Variants in KLHL1 observed in about 807,000 individuals in gnomAD.
KLHL1 encodes kelch-like protein 1.
A neutral mutation model predicts 77.7 loss-of-function variants in KLHL1; 47 were observed. The ratio of observed to expected loss-of-function variants is 0.60; its 90% CI spans 0.48 to 0.77. The LOEUF (loss-of-function observed/expected upper bound fraction) is 0.77, where lower values mean the gene tolerates loss of function less well. Ranked by LOEUF, KLHL1 falls within the 30% of genes least tolerant of loss-of-function variation. The pLI is 0.00. For synonymous variants in KLHL1, 360 were observed against 325.2 expected (o/e 1.11, Z -1.15); for missense variants, 925 against 910.8 (o/e 1.02, Z -0.20).
intron 1 of KLHL1, among the ~76,000 whole-genome samples, chr13:69,989,476 A>C (rs1014538041): frequency 6.6e-6 from 1 of 151,944 alleles, no homozygotes. Flanking sequence ...TTTGAGAATT[A>C]GTTTTTTTAG....
At chr13:69,735,385 G>T (rs1021052405) in intron 8 of KLHL1, among the ~76,000 whole-genome samples, 4 of 150,684 alleles carry the variant, frequency 2.7e-5, no homozygotes, top group Non-Finnish European at 3.0e-5. Context: ...CAATAAAAAG[G>T]AAATAAATGT....
At chr13:70,047,476 C>A in intron 1 of KLHL1, among the ~76,000 whole-genome samples, 1 of 151,556 alleles carries the variant, frequency 6.6e-6, no homozygotes, top group East Asian at 1.9e-4. Context: ...TAGTAGAAAA[C>A]TTTAGTGGCC....
intron 1 of KLHL1, among the ~76,000 whole-genome samples, chr13:70,004,415 C>T (rs144163732): frequency 6.6e-6 from 1 of 151,782 alleles, no homozygotes. Context: ...TATGTCCTGA[C>T]CCTTTCTTTG....
intron 7 of KLHL1, among the ~76,000 whole-genome samples, chr13:69,788,085 T>C (rs1230349194): frequency 1.3e-5 from 2 of 152,224 alleles, no homozygotes; most frequent in Non-Finnish European, 2.9e-5. Flanking sequence ...AGTTCAACCA[T>C]TGTGGAAGAC....
Position 69,960,361 on chromosome 13 carries a change from G to A in KLHL1, c.817+947C>T, listed in dbSNP as rs375118065. On this transcript the variant is annotated intron_variant, in intron 3 of 10. Coordinates refer to ENST00000377844, the MANE Select transcript of KLHL1 (RefSeq NM_020866.3). ...ACTAGGCCAGAACCTGCCTTTCTTCGTCTCACACCAGTATGAAGAATTTAG... is the reference window on the plus strand; with the variant it reads ...ACTAGGCCAGAACCTGCCTTTCTTCATCTCACACCAGTATGAAGAATTTAG... Among the ~76,000 whole-genome samples, 59 of 151,900 alleles carry A rather than the reference G, an allele frequency of 3.9e-4. 1 individual carries two copies. In the South Asian group the frequency reaches 0.011, roughly 28 times the overall value.
intron 3 of KLHL1, among the ~76,000 whole-genome samples, chr13:69,944,150 C>A (rs1206686647): frequency 6.6e-6 from 1 of 152,164 alleles, no homozygotes; most frequent in African/African-American, 2.4e-5. Flanking sequence ...CTAAACTGTA[C>A]AAACAATATG....
At chr13:70,095,848 C>T (rs1445802279) in intron 1 of KLHL1, among the ~76,000 whole-genome samples, 1 of 151,730 alleles carries the variant, frequency 6.6e-6, no homozygotes, top group African/African-American at 2.4e-5. Context: ...ACCACACTCG[C>T]TAATACTCTT....
intron 8 of KLHL1, among the ~76,000 whole-genome samples, chr13:69,734,118 T>G: frequency 6.6e-6 from 1 of 152,140 alleles, no homozygotes. Context: ...AGATTTCTCA[T>G]GAATGGTTTA....
chr13:69,837,812 A>G (rs1358807797), intron 6 of KLHL1, among the ~76,000 whole-genome samples: 1 of 151,110 alleles, frequency 6.6e-6, no homozygotes, highest in African/African-American at 2.4e-5. Flanking sequence ...AGAAGTTTCT[A>G]AGGCTTTCCT....
At chr13:69,765,870 C>T (rs1427369244) in intron 7 of KLHL1, among the ~76,000 whole-genome samples, 1 of 152,174 alleles carries the variant, frequency 6.6e-6, no homozygotes, top group Non-Finnish European at 1.5e-5. Flanking sequence ...TGGTTTTGCT[C>T]CACAGAGGCT....
intron 7 of KLHL1, among the ~76,000 whole-genome samples, chr13:69,780,743 T>TACAC (rs1555267695): frequency 1.6e-5 from 1 of 60,958 alleles, no homozygotes; most frequent in African/African-American, 6.3e-5. Context: ...CATATATATA[T>TACAC]ACATATATAT....
At chr13:69,713,503 A>AT (rs1875974973) in intron 9 of KLHL1, among the ~76,000 whole-genome samples, 1 of 151,982 alleles carries the variant, frequency 6.6e-6, no homozygotes, top group Non-Finnish European at 1.5e-5. Context: ...GACTTTTATC[A>AT]TTTTTTCACT....
At chr13:69,995,258 T>G (rs956019515) in intron 1 of KLHL1, among the ~76,000 whole-genome samples, 4 of 152,162 alleles carry the variant, frequency 2.6e-5, no homozygotes, top group African/African-American at 9.6e-5. Context: ...TGGTTCCTGT[T>G]ATGATTCCAA....
At chr13:69,816,131 G>A (rs1201587466) in intron 6 of KLHL1, among the ~76,000 whole-genome samples, 1 of 151,852 alleles carries the variant, frequency 6.6e-6, no homozygotes, top group African/African-American at 2.4e-5. Context: ...ATTTTCAGTA[G>A]ATTAGAAGAT....
chr13:69,926,965 A>AAAAAAAAAAAAAC (rs1306859841), intron 4 of KLHL1, among the ~76,000 whole-genome samples: 2 of 149,562 alleles, frequency 1.3e-5, no homozygotes, highest in Non-Finnish European at 3.0e-5. Context: ...AAAAAAAAAA[A>AAAAAAAAAAAAAC]AAAAAGCAGA....
At chr13:69,749,330 G>T (rs1874368304) in intron 7 of KLHL1, among the ~76,000 whole-genome samples, 1 of 151,850 alleles carries the variant, frequency 6.6e-6, no homozygotes, top group African/African-American at 2.4e-5. Flanking sequence ...AGAAAGAAAA[G>T]AAACATCTAA....
chr13:69,967,839 C>T (rs982485774), intron 2 of KLHL1, among the ~76,000 whole-genome samples: 2 of 150,202 alleles, frequency 1.3e-5, no homozygotes, highest in African/African-American at 4.9e-5. Flanking sequence ...GAGCCAAGAT[C>T]GCACCACTGT....
chr13:69,823,508 T>C (rs2138081850), intron 6 of KLHL1, among the ~76,000 whole-genome samples: 1 of 152,064 alleles, frequency 6.6e-6, no homozygotes, highest in Admixed American at 6.6e-5. Context: ...TAAATTCATA[T>C]TAGAAATTGG....
chr13:70,069,453 T>C (rs1212001482), intron 1 of KLHL1, among the ~76,000 whole-genome samples: 1 of 152,282 alleles, frequency 6.6e-6, no homozygotes, highest in East Asian at 1.9e-4. Context: ...TTACAAGGCA[T>C]GCTAAACAGG....
Sources: gnomAD v4.1 joint callset for allele counts (sites outside exome capture counted in the v4.1 genomes callset) on GRCh38, gnomAD v4.1.1 for gene constraint, MANE v1.5 for transcripts, NCBI Gene and HGNC (gene_info 2026-07-23, HGNC 2026-07-21) for gene names.